ZPLD1: variants seen among roughly 807,000 people sequenced by gnomAD.
ZPLD1 encodes zona pellucida like domain containing 1, also known as zona pellucida-like domain-containing protein 1.
In ZPLD1, 34 loss-of-function variants were observed where a neutral mutation model predicts 47.2. The ratio of observed to expected loss-of-function variants is 0.72; its 90% confidence interval spans 0.55 to 0.96. ZPLD1 has a LOEUF of 0.96. ZPLD1 is among the 40% of genes least tolerant of loss of function. ZPLD1 has a pLI of 0.00. For synonymous variants in ZPLD1, 176 were observed against 186.2 expected (o/e 0.95, Z 0.45); for missense variants, 512 against 505.8 (o/e 1.01, Z -0.12).
At chr3:102,412,839 A>G (rs1706761020) in intron 7 of ZPLD1, among the ~76,000 whole-genome samples, 1 of 151,660 alleles carries the variant, frequency 6.6e-6, no homozygotes, top group Admixed American at 6.6e-5. Flanking sequence ...GTGTATATAT[A>G]TGAGTGTGTG....
chr3:102,395,927 G>A (rs1706551631), intron 7 of ZPLD1, among the ~76,000 whole-genome samples: 1 of 151,984 alleles, frequency 6.6e-6, no homozygotes. Context: ...ACTTTCTTCA[G>A]GCTATTAGAA....
intron 8 of ZPLD1, among the ~76,000 whole-genome samples, chr3:102,468,485 C>T (rs996075519): frequency 2.0e-5 from 3 of 152,030 alleles, no homozygotes; most frequent in Admixed American, 6.5e-5. Flanking sequence ...AATATTGATA[C>T]GGAAAGATCT....
Position 102,435,090 on chromosome 3 carries a change from G to T in ZPLD1, c.-187G>T. The T allele has an allele frequency of 2.5e-6, 4 of 1,613,948 alleles. No individual in the cohort carries two copies. In the South Asian group the frequency reaches 3.3e-5, roughly 13 times the overall value. On this transcript the variant is annotated 5_prime_UTR_variant, in exon 1 of 12. Transcript: ENST00000466937. ...AGTATTTAGGGACTGTGCTAAAATA[G>T]CATCTCCAAGCTTGCTATGGCAAGA...
intron 8 of ZPLD1, among the ~76,000 whole-genome samples, chr3:102,418,588 GT>G (rs1214773461): frequency 6.6e-6 from 1 of 151,924 alleles, no homozygotes; most frequent in African/African-American, 2.4e-5. Flanking sequence ...CCACATCGTT[GT>G]GCTTCAGACA....
intron 3 of ZPLD1, among the ~76,000 whole-genome samples, chr3:102,449,189 C>T (rs774682918): frequency 6.6e-6 from 1 of 152,204 alleles, no homozygotes; most frequent in Non-Finnish European, 1.5e-5. Context: ...TTCCACTCCT[C>T]TATCTAGCTA....
intron 7 of ZPLD1, among the ~76,000 whole-genome samples, chr3:102,397,649 G>A (rs1706573213): frequency 6.6e-6 from 1 of 152,098 alleles, no homozygotes; most frequent in Non-Finnish European, 1.5e-5. Flanking sequence ...TGCCTCTCTA[G>A]GACAGGGAGT....
rs980915885 is a variant in ZPLD1, at chr3:102,479,699, G to A, written c.*2081G>A. The A allele has an allele frequency of 2.6e-5, 4 of 152,110 alleles. No individual in the cohort carries two copies. The highest frequency in any genetic ancestry group is 7.2e-5 in the African/African-American group (3 of 41,420). 9.4% of individuals were successfully genotyped at this position (152,110 alleles called of 1,614,324 possible). On this transcript the variant is annotated 3_prime_UTR_variant, in exon 12 of 12. Coordinates refer to ENST00000466937, the MANE Select transcript of ZPLD1 (RefSeq NM_001329788.2). ...GTATTTAGTTATACTGAATTTTACA[G>A]TTATTATAGTGTGAAAAACCTTACA... is the stretch of plus-strand genomic sequence containing the variant.
intron 3 of ZPLD1, among the ~76,000 whole-genome samples, chr3:102,440,238 A>C (rs1294085407): frequency 6.6e-6 from 1 of 152,212 alleles, no homozygotes; most frequent in Non-Finnish European, 1.5e-5. Flanking sequence ...TTTTAGGAAG[A>C]GACATTAGGA....
At chr3:102,389,183 T>C (rs1706468923) in intron 6 of ZPLD1, among the ~76,000 whole-genome samples, 1 of 152,234 alleles carries the variant, frequency 6.6e-6, no homozygotes, top group Non-Finnish European at 1.5e-5. Context: ...AAAAATGGAC[T>C]AAGTATGCCC....
chr3:102,407,899 C>T (rs74450366), intron 7 of ZPLD1, among the ~76,000 whole-genome samples: 1 of 151,772 alleles, frequency 6.6e-6, no homozygotes, highest in Admixed American at 6.6e-5. Context: ...TGCAATGAGG[C>T]TCAGGTGCCA....
At chr3:102,421,542 A>G (rs1302339526) in intron 8 of ZPLD1, among the ~76,000 whole-genome samples, 2 of 151,942 alleles carry the variant, frequency 1.3e-5, no homozygotes, top group Non-Finnish European at 2.9e-5. Flanking sequence ...AGAAATTCTA[A>G]TTAGAAATCT....
At chr3:102,438,330 A>T in intron 2 of ZPLD1, 150 bp from the exon 3 acceptor site, 1 of 572,026 alleles carries the variant, frequency 1.7e-6, no homozygotes. Context: ...TGCCTTTACT[A>T]CCGATAATCC....
chr3:102,474,539 G>A lies in ZPLD1; in HGVS notation c.1043-2473G>A, dbSNP rs1050166781. ...ACGTAACACTGTGAAAAGTAAAAAG[G>A]TCGGTGCTTATTAATTTGAGATGTG... On this transcript the variant is annotated intron_variant, in intron 10 of 11. Coordinates refer to ENST00000466937, the MANE Select transcript of ZPLD1 (RefSeq NM_001329788.2). Among the ~76,000 whole-genome samples the A allele has an allele frequency of 2.0e-5, 3 of 152,154 alleles. 1 individual carries two copies. Among genetic ancestry groups the A allele is most frequent in the Admixed American group, 6.5e-5 (1 of 15,284 alleles).
At chr3:102,435,417 T>C (rs1185348415) in intron 1 of ZPLD1, among the ~76,000 whole-genome samples, 3 of 152,188 alleles carry the variant, frequency 2.0e-5, no homozygotes, top group African/African-American at 7.2e-5. Context: ...CACTAGCCCA[T>C]GAGACACTTT....
intron 7 of ZPLD1, among the ~76,000 whole-genome samples, chr3:102,398,870 G>A (rs553543061): frequency 5.4e-5 from 8 of 146,826 alleles, no homozygotes; most frequent in South Asian, 4.2e-4. Flanking sequence ...GCTTTTATGC[G>A]TGCGCACGCA....
chr3:102,422,622 A>G (rs570392255), intron 8 of ZPLD1, among the ~76,000 whole-genome samples: 2 of 152,064 alleles, frequency 1.3e-5, no homozygotes, highest in Non-Finnish European at 2.9e-5. Context: ...AAGGTTTTTG[A>G]AAAGCTGAAT....
chr3:102,428,474 C>A (rs1706976368), intron 8 of ZPLD1, among the ~76,000 whole-genome samples: 1 of 151,994 alleles, frequency 6.6e-6, no homozygotes, highest in Admixed American at 6.6e-5. Flanking sequence ...TAAATTCTAA[C>A]TTAAATTCTG....
chr3:102,421,871 T>C (rs1388099720), intron 8 of ZPLD1, among the ~76,000 whole-genome samples: 1 of 151,900 alleles, frequency 6.6e-6, no homozygotes, highest in Non-Finnish European at 1.5e-5. Context: ...TTTATATATC[T>C]AGGTATAATT....
intron 7 of ZPLD1, among the ~76,000 whole-genome samples, chr3:102,416,237 T>C (rs1483102158): frequency 6.6e-6 from 1 of 151,970 alleles, no homozygotes; most frequent in Non-Finnish European, 1.5e-5. Flanking sequence ...TTATCTCAAC[T>C]ATTTTATATT....
Sources: allele counts gnomAD v4.1 joint callset (sites outside exome capture counted in the v4.1 genomes callset), GRCh38; gene constraint gnomAD v4.1.1; transcripts MANE v1.5; gene names NCBI Gene and HGNC (gene_info 2026-07-23, HGNC 2026-07-21).